Variants in CACNB2 observed in about 807,000 individuals in gnomAD.
CACNB2 encodes voltage-dependent L-type calcium channel subunit beta-2.
Under a neutral mutation model 73.3 loss-of-function variants are expected in CACNB2, and 42 were observed. The ratio of observed to expected loss-of-function variants is 0.57; its 90% CI spans 0.45 to 0.74. The LOEUF (loss-of-function observed/expected upper bound fraction) is 0.74. Ranked by LOEUF, CACNB2 falls within the 30% of genes least tolerant of loss-of-function variation. CACNB2 has a pLI of 0.00. For synonymous variants in CACNB2, 348 were observed against 310.3 expected (o/e 1.12, Z -1.28); for missense variants, 940 against 853.0 (o/e 1.10, Z -1.27).
At chr10:18,245,481 C>T (rs1393091785) in intron 2 of CACNB2, among the ~76,000 whole-genome samples, 2 of 152,058 alleles carry the variant, frequency 1.3e-5, no homozygotes, top group Non-Finnish European at 2.9e-5. Context: ...ACCATCATAC[C>T]TGGCTAATTT....
chr10:18,470,118 G>A (rs11595529), intron 3 of CACNB2, among the ~76,000 whole-genome samples: 18,223 of 151,366 alleles, frequency 0.12, 1,238 homozygotes, highest in Admixed American at 0.18. Flanking sequence ...TATTGAATGC[G>A]TTTTCATCTC....
intron 6 of CACNB2, among the ~76,000 whole-genome samples, chr10:18,507,204 T>C (rs76676593): frequency 0.091 from 13,903 of 152,102 alleles, 844 homozygotes; most frequent in Middle Eastern, 0.18. Flanking sequence ...AACCTTAACA[T>C]TAAACAGAAG....
intron 2 of CACNB2, among the ~76,000 whole-genome samples, chr10:18,215,788 C>T (rs1180030427): frequency 6.6e-6 from 1 of 152,114 alleles, no homozygotes; most frequent in African/African-American, 2.4e-5. Context: ...TTTTCCGCGT[C>T]CCTCCACTGC....
At chr10:18,499,449 C>T (rs866658792) in intron 4 of CACNB2, among the ~76,000 whole-genome samples, 7 of 151,828 alleles carry the variant, frequency 4.6e-5, no homozygotes, top group Middle Eastern at 3.4e-3. Flanking sequence ...ACCCCGTCTC[C>T]ACTAAAAATA....
chr10:18,336,573 C>A (rs2041015294), intron 2 of CACNB2, among the ~76,000 whole-genome samples: 1 of 151,936 alleles, frequency 6.6e-6, no homozygotes, highest in South Asian at 2.1e-4. Context: ...GAGCCAAGAT[C>A]ATGCCACTGC....
chr10:18,173,520 C>A (rs1467540632), intron 2 of CACNB2, among the ~76,000 whole-genome samples: 1 of 152,138 alleles, frequency 6.6e-6, no homozygotes, highest in East Asian at 1.9e-4. Flanking sequence ...ATTTTGGAAC[C>A]TTTTAGGAAT....
chr10:18,152,709 CAAAAAAAAA>C lies in CACNB2; in HGVS notation c.213+1749_213+1757del, dbSNP rs772732675. ...TCATCATGCAGGACCTGAAACAGAC[CAAAAAAAAA>C]AAAAAAAAAAAAAACAAAAAACAAA... On this transcript the variant is annotated intron_variant, in intron 2 of 13. Transcript: ENST00000324631. Among the ~76,000 whole-genome samples the C allele has an allele frequency of 8.1e-5, 4 of 49,352 alleles. No homozygotes were observed. In the East Asian group the frequency reaches 2.7e-3, roughly 34 times the overall value. The allele number at this position is 49,352 out of a possible 152,430, so 32.4% of individuals were successfully genotyped here. A position where few individuals can be genotyped will look rare whatever the true frequency, so the allele number is the denominator to read the frequency against.
intron 1 of CACNB2, among the ~76,000 whole-genome samples, chr10:18,148,160 T>C (rs1269135498): frequency 1.3e-5 from 2 of 152,082 alleles, no homozygotes; most frequent in Non-Finnish European, 2.9e-5. Context: ...AATAGAGATA[T>C]AATGAAGCAT....
At chr10:18,309,650 G>A (rs531566988) in intron 2 of CACNB2, among the ~76,000 whole-genome samples, 43 of 152,124 alleles carry the variant, frequency 2.8e-4, no homozygotes, top group African/African-American at 8.9e-4. Flanking sequence ...TAGAGACAGC[G>A]TTTCACCATG....
chr10:18,436,232 T>C (rs1329096268), intron 3 of CACNB2, among the ~76,000 whole-genome samples: 3 of 152,228 alleles, frequency 2.0e-5, no homozygotes, highest in African/African-American at 7.2e-5. Flanking sequence ...TAAGAGTTTT[T>C]CCCCTCTTTG....
intron 2 of CACNB2, among the ~76,000 whole-genome samples, chr10:18,245,464 G>T (rs970802061): frequency 6.6e-6 from 1 of 152,052 alleles, no homozygotes; most frequent in African/African-American, 2.4e-5. Context: ...GGGACTTACA[G>T]GCATGCACCA....
At chr10:18,534,021 TTTTAC>T in intron 10 of CACNB2, 50 bp from the exon 11 acceptor site, 5 of 1,579,062 alleles carry the variant, frequency 3.2e-6, no homozygotes, top group Non-Finnish European at 4.4e-6. Flanking sequence ...CAGTATACCA[TTTTAC>T]TTTATCTTAA....
chr10:18,165,443 C>G (rs369476787), intron 2 of CACNB2, among the ~76,000 whole-genome samples: 1 of 152,236 alleles, frequency 6.6e-6, no homozygotes, highest in Non-Finnish European at 1.5e-5. Flanking sequence ...TGCAAAGGCA[C>G]GATCTATCGC....
At chr10:18,474,344 T>C (rs1205822434) in intron 3 of CACNB2, among the ~76,000 whole-genome samples, 1 of 152,174 alleles carries the variant, frequency 6.6e-6, no homozygotes. Context: ...AAGCAAGACC[T>C]GTCTCTGTGA....
intron 2 of CACNB2, among the ~76,000 whole-genome samples, chr10:18,390,771 C>T (rs2043432598): frequency 6.6e-6 from 1 of 152,174 alleles, no homozygotes; most frequent in Admixed American, 6.5e-5. Flanking sequence ...AACAGTCACT[C>T]ACACAATATG....
At chr10:18,528,925 G>A (rs1284479227) in intron 10 of CACNB2, among the ~76,000 whole-genome samples, 1 of 151,824 alleles carries the variant, frequency 6.6e-6, no homozygotes, top group Non-Finnish European at 1.5e-5. Context: ...ACTGCACCTT[G>A]ACCTCATGGG....
chr10:18,151,005 A>G, intron 2 of CACNB2, 30 bp downstream of exon 2: 1 of 1,331,446 alleles, frequency 7.5e-7, no homozygotes, highest in Non-Finnish European at 1.1e-6. Context: ...GGTTTTGATA[A>G]GTACCTTAAA....
chr10:18,289,023 C>T (rs992002815), intron 2 of CACNB2, among the ~76,000 whole-genome samples: 7 of 151,994 alleles, frequency 4.6e-5, no homozygotes, highest in Non-Finnish European at 7.4e-5. Flanking sequence ...CCAGCCTGGG[C>T]GACAGAGCAA....
At chr10:18,172,593 G>A (rs999110326) in intron 2 of CACNB2, among the ~76,000 whole-genome samples, 2 of 152,152 alleles carry the variant, frequency 1.3e-5, no homozygotes, top group Admixed American at 1.3e-4. Flanking sequence ...GAGACTGGAT[G>A]TGAAACCCTT....
Sources: gnomAD v4.1 joint callset for allele counts (sites outside exome capture counted in the v4.1 genomes callset) on GRCh38, gnomAD v4.1.1 for gene constraint, MANE v1.5 for transcripts, NCBI Gene and HGNC (gene_info 2026-07-23, HGNC 2026-07-21) for gene names.